FREM3: variants seen among roughly 807,000 people sequenced by gnomAD.
FREM3 encodes FRAS1 related extracellular matrix 3.
FREM3 carries 105 observed loss-of-function variants against 129.1 expected under a neutral mutation model. The observed-to-expected ratio is 0.81, with a 90% CI of 0.69 to 0.96. FREM3 has a LOEUF of 0.96. FREM3 is among the 40% of genes least tolerant of loss of function. The probability of loss-of-function intolerance (pLI) is 0.00; values close to 1 mark genes in which losing one functional copy is unlikely to be tolerated. For missense variants in FREM3, 2,593 were observed against 2,666.3 expected (o/e 0.97, Z 0.61); for synonymous variants, 1,014 against 1,044.9 (o/e 0.97, Z 0.57).
chr4:143,609,977 T>C (rs937589739), intron 6 of FREM3, among the ~76,000 whole-genome samples: 1 of 152,180 alleles, frequency 6.6e-6, no homozygotes, highest in Non-Finnish European at 1.5e-5. Flanking sequence ...TATACAATTA[T>C]ACATTTCCAT....
At chr4:143,674,276 AT>A (rs1481767028) in intron 2 of FREM3, among the ~76,000 whole-genome samples, 1 of 152,238 alleles carries the variant, frequency 6.6e-6, no homozygotes, top group Non-Finnish European at 1.5e-5. Flanking sequence ...CCAGAATTCC[AT>A]ATCCAGCCAA....
intron 2 of FREM3, among the ~76,000 whole-genome samples, chr4:143,685,101 T>C (rs1740335637): frequency 6.6e-6 from 1 of 152,138 alleles, no homozygotes; most frequent in Non-Finnish European, 1.5e-5. Context: ...CAAGGAAAAC[T>C]TCCCCAGCCT....
At chr4:143,598,466 G>C (rs1738520219) in intron 6 of FREM3, among the ~76,000 whole-genome samples, 1 of 152,168 alleles carries the variant, frequency 6.6e-6, no homozygotes, top group Non-Finnish European at 1.5e-5. Context: ...TATAGTATGT[G>C]AGATTGTTAG....
chr4:143,648,236 G>A (rs2149848107), intron 2 of FREM3, among the ~76,000 whole-genome samples: 1 of 152,304 alleles, frequency 6.6e-6, no homozygotes, highest in South Asian at 2.1e-4. Context: ...TTGTATCTAG[G>A]AAGTAGCTAA....
intron 6 of FREM3, among the ~76,000 whole-genome samples, chr4:143,593,693 T>A (rs4293747): frequency 0.7 from 105,180 of 150,966 alleles, 38,887 homozygotes; most frequent in Non-Finnish European, 0.83. Context: ...GGGACCCACT[T>A]GAGGAGGCAG....
chr4:143,616,802 AAGG>A (rs1413851750), intron 5 of FREM3, among the ~76,000 whole-genome samples: 3 of 151,966 alleles, frequency 2.0e-5, no homozygotes, highest in Non-Finnish European at 4.4e-5. Flanking sequence ...CAAAAAAAAA[AAGG>A]AAGAAAGAAA....
intron 2 of FREM3, among the ~76,000 whole-genome samples, chr4:143,678,585 A>C (rs1186035202): frequency 6.6e-6 from 1 of 151,908 alleles, no homozygotes; most frequent in Non-Finnish European, 1.5e-5. Context: ...CCTGTGTTTG[A>C]AGCAACTATG....
intron 2 of FREM3, among the ~76,000 whole-genome samples, chr4:143,668,824 T>C (rs1287329542): frequency 6.6e-6 from 1 of 152,220 alleles, no homozygotes; most frequent in African/African-American, 2.4e-5. Context: ...TGTAAATTAC[T>C]TTAGAAAAAC....
At chr4:143,627,415 G>A (rs571507212) in intron 3 of FREM3, among the ~76,000 whole-genome samples, 199 bp downstream of exon 3, 1 of 152,274 alleles carries the variant, frequency 6.6e-6, no homozygotes, top group African/African-American at 2.4e-5. Context: ...ACAGGGGAAA[G>A]ATGATAAAAA....
In FREM3 at chr4:143,595,676, T is replaced by A. The variant is rs577191627; in HGVS notation, c.6029-9683A>T. Among the ~76,000 whole-genome samples, 183 of 152,058 alleles carry A rather than the reference T, an allele frequency of 1.2e-3. 1 individual carries two copies. The East Asian group carries it at 0.013, about 11-fold the overall frequency. On this transcript the variant is annotated intron_variant, in intron 6 of 7. Coordinates refer to ENST00000329798, the MANE Select transcript of FREM3 (RefSeq NM_001168235.2). The stretch of plus-strand genomic sequence containing the variant: ...GCCAAGGTGGGCGGATCACGAGGTC[T>A]GCAGATCAAGACCATCCTGGCTAAC...
At chr4:143,643,001 C>T (rs971222069) in intron 2 of FREM3, among the ~76,000 whole-genome samples, 2 of 152,032 alleles carry the variant, frequency 1.3e-5, no homozygotes, top group Non-Finnish European at 2.9e-5. Context: ...AAATGGCCAA[C>T]GGGTATATGA....
At chr4:143,628,090 C>T (rs1396884541) in intron 2 of FREM3, among the ~76,000 whole-genome samples, 1 of 152,028 alleles carries the variant, frequency 6.6e-6, no homozygotes, top group African/African-American at 2.4e-5. Context: ...TCCTCCCTGC[C>T]TGTTGTCTTC....
intron 6 of FREM3, among the ~76,000 whole-genome samples, chr4:143,586,443 A>C (rs577804094): frequency 1.4e-4 from 21 of 152,254 alleles, no homozygotes; most frequent in African/African-American, 3.9e-4. Context: ...CACTATGGCT[A>C]TGCCTTTTCT....
At chr4:143,603,079 A>T (rs1738601180) in intron 6 of FREM3, among the ~76,000 whole-genome samples, 1 of 152,034 alleles carries the variant, frequency 6.6e-6, no homozygotes. Context: ...TCTGATTTTC[A>T]GTTTTCTTTG....
chr4:143,578,376 C>A (rs995836263), intron 7 of FREM3, among the ~76,000 whole-genome samples: 8 of 152,118 alleles, frequency 5.3e-5, no homozygotes, highest in Non-Finnish European at 7.3e-5. Context: ...CGTACAGCTT[C>A]TTTGCGACTT....
chr4:143,700,516 C>G lies in FREM3; in HGVS notation c.160G>C (p.Gly54Arg), dbSNP rs557116077. The change falls in exon 1 of 8, where the codon GGC (glycine) becomes CGC (arginine). Residue 54 changes from glycine (G) to arginine (R), a missense_variant. This residue lies in a region of FREM3 where 2,276 missense variants were observed against 2,267.2 expected (regional missense o/e 1.00). Transcript: ENST00000329798. ...LYLPARGALDGTRPDGPSVLI... is the reference protein window; with the variant it reads ...LYLPARGALDRTRPDGPSVLI... ...ACGCTGGGGCCGTCGGGGCGAGTGC[C>G]GTCAAGCGCACCCCGGGCGGGCAGG... The G allele has an allele frequency of 5.3e-5, 81 of 1,518,084 alleles. 1 individual carries two copies. In the South Asian group the frequency reaches 6.2e-4, roughly 12 times the overall value. 94.0% of individuals were successfully genotyped at this position (1,518,084 alleles called of 1,614,324 possible).
chr4:143,591,819 T>C (rs1480504627), intron 6 of FREM3, among the ~76,000 whole-genome samples: 3 of 152,190 alleles, frequency 2.0e-5, no homozygotes, highest in Non-Finnish European at 4.4e-5. Flanking sequence ...CTCACTGATC[T>C]GTCTAATGTT....
At chr4:143,695,245 T>A (rs1038830663) in intron 1 of FREM3, among the ~76,000 whole-genome samples, 83 of 152,336 alleles carry the variant, frequency 5.4e-4, no homozygotes, top group African/African-American at 2.0e-3. Context: ...TGTTTAGCAG[T>A]TTTAAGGTAT....
At chr4:143,580,881 C>T (rs868636779) in intron 7 of FREM3, among the ~76,000 whole-genome samples, 10 of 152,162 alleles carry the variant, frequency 6.6e-5, no homozygotes, top group African/African-American at 2.4e-4. Context: ...AGACTGTTTT[C>T]CCCATGAGTC....
Sources: gnomAD v4.1 joint callset for allele counts (sites outside exome capture counted in the v4.1 genomes callset) on GRCh38, gnomAD v4.1.1 for gene constraint, gnomAD v4.1.1 regional missense constraint, MANE v1.5 for transcripts, NCBI Gene and HGNC (gene_info 2026-07-23, HGNC 2026-07-21) for gene names.